The following INTU variants were observed in gnomAD, a reference collection of about 807,000 sequenced individuals.
INTU encodes the protein protein inturned.
INTU carries 68 observed loss-of-function variants against 100.5 expected under a neutral mutation model. That is an observed-to-expected ratio of 0.68 (90% confidence interval 0.56 to 0.83). The LOEUF is 0.83. INTU is among the 40% of genes least tolerant of loss of function. The pLI is 0.00. For synonymous variants in INTU, 357 were observed against 395.7 expected, an observed-to-expected ratio of 0.90 and a Z score of 1.16; for missense variants, 1,071 against 1,114.7, an observed-to-expected ratio of 0.96 and a Z score of 0.56.
intron 8 of INTU, among the ~76,000 whole-genome samples, chr4:127,691,987 A>G (rs1355939962): frequency 3.2e-5 from 2 of 62,088 alleles, no homozygotes; most frequent in African/African-American, 1.3e-4. Context: ...TATATGTCAC[A>G]TTTTCTTTAT....
intron 6 of INTU, among the ~76,000 whole-genome samples, chr4:127,683,221 A>G (rs1034350948): frequency 6.6e-6 from 1 of 152,196 alleles, no homozygotes; most frequent in Non-Finnish European, 1.5e-5. Context: ...ACTTGGCTTG[A>G]TAAGTTAGAA....
Position 127,691,962 on chromosome 4 carries a change from G to GTATATATATATATATATA in INTU, c.1449+4097_1449+4114dup, listed in dbSNP as rs1553982611. On this transcript the variant is annotated intron_variant, in intron 8 of 15. Transcript: ENST00000335251. ...GGCGGAGTATAGTGTTCCATGGTAT[G>GTATATATATATATATATA]TATATATATATATATATATGTCACA... Among the ~76,000 whole-genome samples the GTATATATATATATATATA allele has an allele frequency of 3.5e-3, 348 of 98,182 alleles. 15 individuals carry two copies. In the East Asian group the frequency reaches 0.039, roughly 11 times the overall value. 64.4% of individuals were successfully genotyped at this position (98,182 alleles called of 152,430 possible). A position where few individuals can be genotyped will look rare whatever the true frequency, so the allele number is the denominator to read the frequency against.
At position 127,706,499 on chromosome 4, in the gene INTU, C is replaced by T. The variant is rs948811233; in HGVS notation, c.1801C>T (p.Leu601=). ...LLVVGLKHYM[L]CVLLEAGGCA... ...TTTTTCCCTATAGAAACATTATATG[C>T]TATGTGTACTATTAGAAGCTGGAGG... The change falls in exon 12 of 16, where the codon CTA becomes TTA. Residue 601 remains leucine, a synonymous_variant. Coordinates refer to ENST00000335251, the MANE Select transcript of INTU (RefSeq NM_015693.4). The T allele has an allele frequency of 9.3e-6, 15 of 1,611,468 alleles. No homozygotes were observed. The highest frequency in any genetic ancestry group is 5.5e-5 in the South Asian group (5 of 90,750).
intron 2 of INTU, among the ~76,000 whole-genome samples, chr4:127,647,821 C>A (rs1281327761): frequency 1.3e-5 from 2 of 152,072 alleles, no homozygotes; most frequent in Non-Finnish European, 2.9e-5. Context: ...CATTTATATA[C>A]AATAATCTTT....
chr4:127,663,004 A>G (rs1446858193), intron 3 of INTU, among the ~76,000 whole-genome samples: 1 of 152,192 alleles, frequency 6.6e-6, no homozygotes, highest in African/African-American at 2.4e-5. Flanking sequence ...AGCCAGTGCT[A>G]TCGGCATTGA....
At chr4:127,687,421 T>G (rs1444392744) in intron 7 of INTU, 1 of 222,892 alleles carries the variant, frequency 4.5e-6, no homozygotes, top group Non-Finnish European at 8.7e-6. Context: ...AATATGTCAC[T>G]TGTGTTAGCC....
chr4:127,711,102 G>A lies in INTU; in HGVS notation c.2559G>A (p.Glu853=). The A allele has an allele frequency of 6.3e-7, 1 of 1,576,504 alleles. No individual in the cohort carries two copies. The highest frequency in any genetic ancestry group is 1.2e-5 in the South Asian group (1 of 86,276). Residue 853 remains glutamate (E), a splice_region_variant and synonymous_variant, in exon 14 of 16, where the codon GAG becomes GAA. Transcript: ENST00000335251. Reference sequence around the variant, plus strand: ...TTTTCCAACAGACATTGGTGGAAGAGGTAGGGCACTGCTATAAATACAGTT... The same window carrying A: ...TTTTCCAACAGACATTGGTGGAAGAAGTAGGGCACTGCTATAAATACAGTT... ...RAVFQQTLVE[E]KKKGLNSGDH...
chr4:127,677,673 A>G (rs1452954740), intron 6 of INTU, among the ~76,000 whole-genome samples: 3 of 152,160 alleles, frequency 2.0e-5, no homozygotes, highest in Non-Finnish European at 4.4e-5. Flanking sequence ...GAAAAACTGG[A>G]AACTCTAAAA....
chr4:127,636,339 C>T (rs1727068297), intron 1 of INTU, among the ~76,000 whole-genome samples: 1 of 151,884 alleles, frequency 6.6e-6, no homozygotes, highest in African/African-American at 2.4e-5. Flanking sequence ...CTATTCTGAG[C>T]TGGGCTCACA....
chr4:127,673,865 A>G (rs6534634), intron 5 of INTU, among the ~76,000 whole-genome samples: 70,652 of 151,152 alleles, frequency 0.47, 16,982 homozygotes, highest in Middle Eastern at 0.66. Flanking sequence ...CCAAAGTGCT[A>G]GGATCATAGG....
chr4:127,671,470 T>C (rs896686812), intron 5 of INTU, among the ~76,000 whole-genome samples: 2 of 152,066 alleles, frequency 1.3e-5, no homozygotes, highest in Non-Finnish European at 2.9e-5. Flanking sequence ...TAACAGATGC[T>C]GGTGAGGATG....
chr4:127,651,828 A>T (rs1727896280), intron 2 of INTU, among the ~76,000 whole-genome samples: 2 of 151,368 alleles, frequency 1.3e-5, no homozygotes, highest in Admixed American at 1.3e-4. Flanking sequence ...CATTTTCACG[A>T]TATTGATTCT....
At chr4:127,699,424 A>G (rs916498489) in intron 8 of INTU, 2 of 152,238 alleles carry the variant, frequency 1.3e-5, no homozygotes, top group East Asian at 1.9e-4. Flanking sequence ...GAACTGTGCC[A>G]GATTCCAGAG....
At chr4:127,683,131 A>G (rs1729659988) in intron 6 of INTU, among the ~76,000 whole-genome samples, 1 of 152,154 alleles carries the variant, frequency 6.6e-6, no homozygotes, top group Non-Finnish European at 1.5e-5. Flanking sequence ...TGCTCTAGCT[A>G]ATTTCTCAAT....
chr4:127,654,784 G>C (rs1391706066), intron 2 of INTU, among the ~76,000 whole-genome samples: 1 of 146,100 alleles, frequency 6.8e-6, no homozygotes, highest in Non-Finnish European at 1.5e-5. Flanking sequence ...TGCTAGATTG[G>C]GGAAGTTCTC....
intron 10 of INTU, among the ~76,000 whole-genome samples, 166 bp downstream of exon 10, chr4:127,704,456 T>G (rs1366669445): frequency 1.3e-5 from 2 of 152,158 alleles, no homozygotes; most frequent in Non-Finnish European, 2.9e-5. Flanking sequence ...CTCTGCCACC[T>G]AGGCTGGAGT....
chr4:127,671,138 T>G (rs1728907550), intron 5 of INTU, among the ~76,000 whole-genome samples: 1 of 152,040 alleles, frequency 6.6e-6, no homozygotes. Flanking sequence ...CTGAAAAGTT[T>G]CTACACAGCA....
chr4:127,721,536 T>G lies in INTU; in HGVS notation c.*5100T>G, dbSNP rs1357764021. On this transcript the variant is annotated 3_prime_UTR_variant, in exon 16 of 16. Coordinates refer to ENST00000335251, the MANE Select transcript of INTU (RefSeq NM_015693.4). ...GCCTGTCTTGCTAGGTTGGGGAAGTTTTCCTGGATGATATCCAGAAGTGTG... is the reference window on the plus strand; with the variant it reads ...GCCTGTCTTGCTAGGTTGGGGAAGTGTTCCTGGATGATATCCAGAAGTGTG... 6.6e-6 allele frequency: 1 copy of G among 152,212 alleles called. No individual in the cohort carries two copies. Among genetic ancestry groups the G allele is most frequent in the Non-Finnish European group, 1.5e-5 (1 of 68,046 alleles). 9.4% of individuals were successfully genotyped at this position (152,212 alleles called of 1,614,324 possible). A position where few individuals can be genotyped will look rare whatever the true frequency, so the allele number is the denominator to read the frequency against.
intron 8 of INTU, among the ~76,000 whole-genome samples, chr4:127,688,939 C>CCTTTCTTTCTTTTT (rs1553981968): frequency 4.6e-5 from 4 of 87,338 alleles, no homozygotes; most frequent in African/African-American, 1.2e-4. Context: ...ATTACCCTTT[C>CCTTTCTTTCTTTTT]CTTTCTTTCT....
Sources: allele counts gnomAD v4.1 joint callset (sites outside exome capture counted in the v4.1 genomes callset), GRCh38; gene constraint gnomAD v4.1.1; transcripts MANE v1.5; gene names NCBI Gene and HGNC (gene_info 2026-07-23, HGNC 2026-07-21).